RBFOX1: variants seen among roughly 807,000 people sequenced by gnomAD.
RBFOX1 encodes RNA binding fox-1 homolog 1.
Under a neutral mutation model 57.7 loss-of-function variants are expected in RBFOX1, and 8 were observed. The ratio of observed to expected loss-of-function variants is 0.14; its 90% CI spans 0.08 to 0.25. The LOEUF (loss-of-function observed/expected upper bound fraction) is 0.25. Ranked by LOEUF, RBFOX1 falls within the 10% of genes least tolerant of loss-of-function variation. RBFOX1 has a pLI of 1.00. For missense variants in RBFOX1, 611 were observed against 548.5 expected, an observed-to-expected ratio of 1.11 and a Z score of -1.14; for synonymous variants, 326 against 222.4, an observed-to-expected ratio of 1.47 and a Z score of -4.15.
intron 3 of RBFOX1, among the ~76,000 whole-genome samples, chr16:7,005,110 C>G (rs1322485686): frequency 1.3e-5 from 2 of 152,150 alleles, no homozygotes; most frequent in Non-Finnish European, 2.9e-5. Flanking sequence ...CGTCATTGCA[C>G]TCCAGCCTGG....
At chr16:6,988,743 GTTTGTTTGTTT>G (rs1568246138) in intron 3 of RBFOX1, among the ~76,000 whole-genome samples, 6 of 41,774 alleles carry the variant, frequency 1.4e-4, no homozygotes, top group African/African-American at 3.4e-4. Flanking sequence ...TTTTTTTTTT[GTTTGTTTGTTT>G]TTTGTTTTTT....
intron 1 of RBFOX1, among the ~76,000 whole-genome samples, chr16:5,362,307 C>T (rs746964695): frequency 6.6e-6 from 1 of 152,114 alleles, no homozygotes; most frequent in Non-Finnish European, 1.5e-5. Flanking sequence ...TCTCTTGCCT[C>T]AGCCTCCCGA....
chr16:6,538,279 C>G (rs2096762531), intron 2 of RBFOX1, among the ~76,000 whole-genome samples: 1 of 152,128 alleles, frequency 6.6e-6, no homozygotes, highest in Non-Finnish European at 1.5e-5. Flanking sequence ...TCCTTGAACA[C>G]AAGAGTTTTA....
intron 4 of RBFOX1, among the ~76,000 whole-genome samples, chr16:5,958,431 C>T (rs1408397103): frequency 6.6e-6 from 1 of 152,172 alleles, no homozygotes; most frequent in African/African-American, 2.4e-5. Context: ...AGTGCATAGT[C>T]TGATGCCAGA....
chr16:6,956,765 G>A (rs1395965681), intron 3 of RBFOX1, among the ~76,000 whole-genome samples: 1 of 152,238 alleles, frequency 6.6e-6, no homozygotes, highest in Non-Finnish European at 1.5e-5. Flanking sequence ...ACCAGGCACA[G>A]ATGGGTAGAT....
intron 2 of RBFOX1, among the ~76,000 whole-genome samples, chr16:6,617,994 C>G (rs1272821718): frequency 2.6e-5 from 4 of 152,138 alleles, no homozygotes; most frequent in East Asian, 1.9e-4. Flanking sequence ...CTACCCTTAT[C>G]TTTTCCTATC....
chr16:7,264,338 G>A (rs1174878822), intron 4 of RBFOX1, among the ~76,000 whole-genome samples: 5 of 152,220 alleles, frequency 3.3e-5, no homozygotes, highest in African/African-American at 1.2e-4. Flanking sequence ...CATAGTTGTT[G>A]AGGGCCTCCA....
chr16:6,457,953 G>A (rs544581555), intron 2 of RBFOX1, among the ~76,000 whole-genome samples: 1 of 151,330 alleles, frequency 6.6e-6, no homozygotes, highest in Non-Finnish European at 1.5e-5. Context: ...TGGTGGTCAC[G>A]TACATGTGCA....
chr16:5,851,359 G>A (rs149239770), intron 3 of RBFOX1, among the ~76,000 whole-genome samples: 6 of 152,198 alleles, frequency 3.9e-5, no homozygotes, highest in Admixed American at 6.5e-5. Flanking sequence ...TCATTTCACC[G>A]TCATCTTGCA....
chr16:5,751,638 C>G (rs953913627), intron 3 of RBFOX1, among the ~76,000 whole-genome samples: 3 of 152,134 alleles, frequency 2.0e-5, no homozygotes, highest in Non-Finnish European at 4.4e-5. Flanking sequence ...AGTCTCAGGA[C>G]TACTCTAAAG....
chr16:5,527,266 T>C (rs1206731815), intron 2 of RBFOX1, among the ~76,000 whole-genome samples: 1 of 152,206 alleles, frequency 6.6e-6, no homozygotes, highest in African/African-American at 2.4e-5. Flanking sequence ...ATGTCCTTTT[T>C]ACCAACAGCT....
chr16:5,388,758 A>G (rs1475031382), intron 1 of RBFOX1, among the ~76,000 whole-genome samples: 1 of 151,768 alleles, frequency 6.6e-6, no homozygotes, highest in Non-Finnish European at 1.5e-5. Flanking sequence ...TGTAATTTTA[A>G]TAGAGACAGG....
intron 2 of RBFOX1, among the ~76,000 whole-genome samples, chr16:6,616,396 G>T (rs62015540): frequency 6.6e-6 from 1 of 150,396 alleles, no homozygotes; most frequent in Non-Finnish European, 1.5e-5. Flanking sequence ...TTTTTTTTTG[G>T]CCAGGCGTGA....
chr16:6,995,830 AG>A (rs2092168815), intron 3 of RBFOX1, among the ~76,000 whole-genome samples: 1 of 152,196 alleles, frequency 6.6e-6, no homozygotes, highest in African/African-American at 2.4e-5. Flanking sequence ...CTTACACTTG[AG>A]ATTGGTTCAG....
downstream of RBFOX1, among the ~76,000 whole-genome samples, chr16:5,601,961 G>A (rs1296097152): frequency 1.3e-5 from 2 of 152,200 alleles, no homozygotes; most frequent in Non-Finnish European, 2.9e-5. Flanking sequence ...TCTAGTGGAA[G>A]GGATGATGGT....
chr16:6,208,531 G>T (rs1439947148), intron 1 of RBFOX1, among the ~76,000 whole-genome samples: 1 of 152,138 alleles, frequency 6.6e-6, no homozygotes, highest in Non-Finnish European at 1.5e-5. Context: ...TGGGAACAGG[G>T]ACTCTTACAG....
intron 3 of RBFOX1, among the ~76,000 whole-genome samples, chr16:6,980,147 C>G (rs1314488978): frequency 6.6e-6 from 1 of 152,178 alleles, no homozygotes; most frequent in Non-Finnish European, 1.5e-5. Flanking sequence ...ACCTTAATCC[C>G]TCTTCAATTA....
intron 2 of RBFOX1, among the ~76,000 whole-genome samples, chr16:6,557,102 C>G (rs1021073917): frequency 6.9e-6 from 1 of 144,374 alleles, no homozygotes; most frequent in Non-Finnish European, 1.5e-5. Context: ...TACATATATA[C>G]ATACATATAT....
intron 1 of RBFOX1, among the ~76,000 whole-genome samples, chr16:6,072,473 C>T (rs949011038): frequency 6.6e-6 from 1 of 152,066 alleles, no homozygotes; most frequent in Non-Finnish European, 1.5e-5. Flanking sequence ...ACCCAGAAGT[C>T]GGATTGCTGG....
Sources: allele counts gnomAD v4.1 joint callset (sites outside exome capture counted in the v4.1 genomes callset), GRCh38; gene constraint gnomAD v4.1.1; transcripts MANE v1.5; gene names NCBI Gene and HGNC (gene_info 2026-07-23, HGNC 2026-07-21).